Variants in ST8SIA6 observed in about 807,000 individuals in gnomAD.
The protein encoded by ST8SIA6 is ST8 alpha-N-acetyl-neuraminide alpha-2,8-sialyltransferase 6, also known as alpha-2,8-sialyltransferase 8F.
Under a neutral mutation model 33.6 loss-of-function variants are expected in ST8SIA6, and 39 were observed. The ratio of observed to expected loss-of-function variants is 1.16; its 90% confidence interval spans 0.90 to 1.52. The LOEUF is 1.52. Ranked by LOEUF, ST8SIA6 falls within the 40% of genes most tolerant of loss-of-function variation. The probability of loss-of-function intolerance (pLI) is 0.00; values close to 1 mark genes in which losing one functional copy is unlikely to be tolerated. For missense variants in ST8SIA6, 441 were observed against 443.8 expected (o/e 0.99, Z 0.06); for synonymous variants, 172 against 167.2 (o/e 1.03, Z -0.22).
intron 2 of ST8SIA6, among the ~76,000 whole-genome samples, chr10:17,398,786 C>G (rs1011286522): frequency 6.6e-6 from 1 of 152,082 alleles, no homozygotes; most frequent in African/African-American, 2.4e-5. Flanking sequence ...GGATGAGGAG[C>G]CAGGAGAGCA....
In ST8SIA6 at chr10:17,387,454, G is replaced by GC. The variant is rs1332618702; in HGVS notation, c.290+3076_290+3077insG. ...TTAGTCGGGGCGGTGGGGCGGGGGGGGGGGGGTTCTCCATGTTGGTCTGGC... is the reference window on the plus strand; with the variant it reads ...TTAGTCGGGGCGGTGGGGCGGGGGGGCGGGGGGTTCTCCATGTTGGTCTGGC... On this transcript the variant is annotated intron_variant, in intron 3 of 7. Coordinates refer to ENST00000377602, the MANE Select transcript of ST8SIA6 (RefSeq NM_001004470.3). 1.1e-3 allele frequency among the ~76,000 whole-genome samples: 145 copies of GC among 137,800 alleles called. 1 individual carries two copies. Among genetic ancestry groups the GC allele is most frequent in the Non-Finnish European group, 2.0e-3 (125 of 62,698 alleles). 90.4% of individuals were successfully genotyped at this position (137,800 alleles called of 152,430 possible).
intron 4 of ST8SIA6, among the ~76,000 whole-genome samples, chr10:17,336,386 C>T (rs890545899): frequency 6.6e-6 from 1 of 152,020 alleles, no homozygotes; most frequent in African/African-American, 2.4e-5. Context: ...ACTATATTTG[C>T]CTTATTGTGT....
chr10:17,350,373 A>G (rs1382427950), intron 4 of ST8SIA6, among the ~76,000 whole-genome samples: 2 of 145,270 alleles, frequency 1.4e-5, no homozygotes, highest in African/African-American at 5.1e-5. Flanking sequence ...CGACTGGCTC[A>G]CAATGAATGC....
rs116015770 is a variant in ST8SIA6 at position 17,392,574 on chromosome 10, T to C, written c.201-1954A>G. On this transcript the variant is annotated intron_variant, in intron 2 of 7. Transcript: ENST00000377602. ...CCAAAATGGGGAGCAGCCTGGATTA[T>C]CTGAGGAAATAAAAAGATAATAGGA... Among the ~76,000 whole-genome samples, 978 of 152,154 alleles carry C rather than the reference T, an allele frequency of 6.4e-3. 9 individuals are homozygous for C. The highest frequency in any genetic ancestry group is 0.023 in the African/African-American group (937 of 41,500).
chr10:17,449,649 C>G (rs1228894392), intron 2 of ST8SIA6, among the ~76,000 whole-genome samples: 1 of 152,202 alleles, frequency 6.6e-6, no homozygotes, highest in African/African-American at 2.4e-5. Context: ...GAAGACACAG[C>G]TCCTTGAATT....
chr10:17,335,616 C>G (rs879909529), intron 4 of ST8SIA6, among the ~76,000 whole-genome samples: 5 of 151,926 alleles, frequency 3.3e-5, no homozygotes, highest in Non-Finnish European at 7.4e-5. Flanking sequence ...TATTTTACAA[C>G]CTACCATTCA....
At chr10:17,407,254 A>G (rs1448651861) in intron 2 of ST8SIA6, among the ~76,000 whole-genome samples, 4 of 152,128 alleles carry the variant, frequency 2.6e-5, no homozygotes, top group African/African-American at 9.7e-5. Context: ...CATAGTAACA[A>G]TTGCTTAAGT....
At chr10:17,357,036 A>C (rs1467639821) in intron 4 of ST8SIA6, among the ~76,000 whole-genome samples, 5 of 152,210 alleles carry the variant, frequency 3.3e-5, no homozygotes, top group Admixed American at 2.6e-4. Flanking sequence ...GGGAATCCCC[A>C]AGAAGGGATT....
intron 4 of ST8SIA6, among the ~76,000 whole-genome samples, chr10:17,349,513 AC>A (rs1848962362): frequency 6.6e-6 from 1 of 152,116 alleles, no homozygotes; most frequent in Non-Finnish European, 1.5e-5. Flanking sequence ...ATTCATAAAA[AC>A]TCACAGAGGT....
chr10:17,400,387 C>T (rs904654294), intron 2 of ST8SIA6, among the ~76,000 whole-genome samples: 4 of 152,176 alleles, frequency 2.6e-5, no homozygotes, highest in Admixed American at 1.3e-4. Flanking sequence ...CAAAACTTAG[C>T]CAGGCGTGGT....
chr10:17,393,193 T>C (rs1850682154), intron 2 of ST8SIA6, among the ~76,000 whole-genome samples: 1 of 152,202 alleles, frequency 6.6e-6, no homozygotes, highest in African/African-American at 2.4e-5. Flanking sequence ...GTTGGCCCCA[T>C]GGTTTCCATC....
intron 5 of ST8SIA6, among the ~76,000 whole-genome samples, chr10:17,329,064 T>C (rs989050150): frequency 1.3e-5 from 2 of 152,144 alleles, no homozygotes; most frequent in Non-Finnish European, 2.9e-5. Context: ...CCCAGAATCA[T>C]TGTGACTGCT....
intron 6 of ST8SIA6, 120 bp downstream of exon 6, chr10:17,326,894 T>A (rs139352522): frequency 3.8e-5 from 24 of 638,582 alleles, no homozygotes; most frequent in Non-Finnish European, 4.8e-5. Flanking sequence ...CCCGGGTAAT[T>A]TGTAGACTTT....
At chr10:17,375,731 C>T (rs45461093) in intron 3 of ST8SIA6, among the ~76,000 whole-genome samples, 3,071 of 152,278 alleles carry the variant, frequency 0.02, 53 homozygotes, top group Admixed American at 0.032. Context: ...ACCATGCATG[C>T]CCTAGCAATT....
rs933121962 is a variant in ST8SIA6 at position 17,326,924 on chromosome 10, G to A, written c.635+90C>T. 4.3e-6 allele frequency: 4 copies of A among 927,160 alleles called. No individual in the cohort carries two copies. In the African/African-American group the frequency reaches 5.2e-5, roughly 12 times the overall value. 57.4% of individuals were successfully genotyped at this position (927,160 alleles called of 1,614,324 possible). A position where few individuals can be genotyped will look rare whatever the true frequency, so the allele number is the denominator to read the frequency against. On this transcript the variant is annotated intron_variant, in intron 6 of 7. Transcript: ENST00000377602. ...GACTTTTGTAACAGAGCTCAAAGGT[G>A]AAAATATACAATGGATATCTTTACA...
chr10:17,410,112 G>C (rs1851403446), intron 2 of ST8SIA6: 1 of 152,180 alleles, frequency 6.6e-6, no homozygotes, highest in African/African-American at 2.4e-5. Flanking sequence ...TTCAAAACTG[G>C]AGAGTGTTTG....
intron 2 of ST8SIA6, among the ~76,000 whole-genome samples, chr10:17,451,090 A>G (rs1219330548): frequency 1.3e-5 from 2 of 152,326 alleles, no homozygotes; most frequent in East Asian, 3.9e-4. Context: ...TAGAATAACA[A>G]TAGTTTGTCT....
chr10:17,374,715 AAAATAAATAAATAAAT>A (rs200761061), intron 3 of ST8SIA6, among the ~76,000 whole-genome samples: 2 of 134,790 alleles, frequency 1.5e-5, no homozygotes, highest in Non-Finnish European at 3.2e-5. Context: ...CTCTGTCTCA[AAAATAAATAAATAAAT>A]AAATAAATAA....
chr10:17,386,647 A>G (rs763843132), intron 3 of ST8SIA6, among the ~76,000 whole-genome samples: 9 of 152,202 alleles, frequency 5.9e-5, no homozygotes, highest in Non-Finnish European at 1.2e-4. Context: ...AGAGAACGCC[A>G]ACAAACAACA....
Sources: allele counts gnomAD v4.1 joint callset (sites outside exome capture counted in the v4.1 genomes callset), GRCh38; gene constraint gnomAD v4.1.1; transcripts MANE v1.5; gene names NCBI Gene and HGNC (gene_info 2026-07-23, HGNC 2026-07-21).